The following SUSD1 variants were observed in gnomAD, a reference collection of about 807,000 sequenced individuals.
SUSD1 encodes sushi domain containing 1, also known as sushi domain-containing protein 1.
In SUSD1, 65 loss-of-function variants were observed where a neutral mutation model predicts 86.9. The observed-to-expected ratio is 0.75, with a 90% CI of 0.61 to 0.92. The LOEUF is 0.92. SUSD1 is among the 40% of genes least tolerant of loss of function. The pLI, the probability that SUSD1 is intolerant of heterozygous loss-of-function variation, is 0.00. For missense variants in SUSD1, 850 were observed against 929.7 expected (o/e 0.91, Z 1.11); for synonymous variants, 346 against 350.0 (o/e 0.99, Z 0.13).
intron 5 of SUSD1, among the ~76,000 whole-genome samples, chr9:112,137,633 G>A (rs933001010): frequency 4.6e-5 from 7 of 152,104 alleles, no homozygotes; most frequent in South Asian, 2.1e-4. Context: ...ATCAAAATGC[G>A]TGTAGAGCCT....
intron 8 of SUSD1, among the ~76,000 whole-genome samples, chr9:112,110,893 C>T (rs989314464): frequency 2.0e-5 from 3 of 152,176 alleles, no homozygotes; most frequent in African/African-American, 7.2e-5. Flanking sequence ...CCCCTGCTTC[C>T]ACTTCCCCAC....
At chr9:112,135,900 C>T (rs1289227897) in intron 5 of SUSD1, among the ~76,000 whole-genome samples, 1 of 152,192 alleles carries the variant, frequency 6.6e-6, no homozygotes, top group Non-Finnish European at 1.5e-5. Flanking sequence ...CAAAAGGAAA[C>T]TGGAGTTTAG....
intron 6 of SUSD1, among the ~76,000 whole-genome samples, chr9:112,120,560 G>T (rs937920865): frequency 6.6e-6 from 1 of 152,130 alleles, no homozygotes. Context: ...TCCTGATTGA[G>T]GGCATAAAGG....
chr9:112,144,579 G>C (rs1419424100), intron 3 of SUSD1, among the ~76,000 whole-genome samples: 1 of 152,154 alleles, frequency 6.6e-6, no homozygotes, highest in African/African-American at 2.4e-5. Context: ...TTTGAGACCA[G>C]CCTGGGAACG....
intron 8 of SUSD1, among the ~76,000 whole-genome samples, chr9:112,109,030 C>A (rs946940209): frequency 1.3e-5 from 2 of 152,112 alleles, no homozygotes; most frequent in Admixed American, 6.6e-5. Flanking sequence ...TAACCTATGA[C>A]CCCAGAGGAG....
At chr9:112,048,552 C>T (rs539709302) in intron 15 of SUSD1, among the ~76,000 whole-genome samples, 2 of 152,298 alleles carry the variant, frequency 1.3e-5, no homozygotes, top group Non-Finnish European at 2.9e-5. Context: ...TCATTCAGCC[C>T]AATTCAGTGC....
At chr9:112,089,811 C>CAAAAAAAAAAAAAAAAAAA (rs3983407) in intron 10 of SUSD1, among the ~76,000 whole-genome samples, 6 of 115,934 alleles carry the variant, frequency 5.2e-5, no homozygotes, top group Non-Finnish European at 9.3e-5. Context: ...GATTCCATCT[C>CAAAAAAAAAAAAAAAAAAA]AAAAAAAAAA....
rs1554756866 is a variant in SUSD1 at position 112,078,809 on chromosome 9, C to CTGTTTTTT, written c.1567-86_1567-85insAAAAAACA. ...AAACCTCCCCTTTTCCTTTTTCTTTCTCTTTTTTTTTTTTTTTTTTTGAGA... is the reference window on the plus strand; with the variant it reads ...AAACCTCCCCTTTTCCTTTTTCTTTCTGTTTTTTTCTTTTTTTTTTTTTTTTTTTGAGA... On this transcript the variant is annotated intron_variant, in intron 11 of 16. Transcript: ENST00000374270. The CTGTTTTTT allele has an allele frequency of 3.6e-4, 300 of 830,108 alleles. 1 individual carries two copies. The African/African-American group carries it at 6.5e-3, about 18-fold the overall frequency. 51.4% of individuals were successfully genotyped at this position (830,108 alleles called of 1,614,324 possible).
intron 5 of SUSD1, among the ~76,000 whole-genome samples, chr9:112,134,187 C>G (rs1832157619): frequency 6.6e-6 from 1 of 152,142 alleles, no homozygotes; most frequent in African/African-American, 2.4e-5. Flanking sequence ...ACAGAACTAC[C>G]ATTCAATCCA....
At chr9:112,043,961 C>G (rs1294245564) in intron 15 of SUSD1, among the ~76,000 whole-genome samples, 3 of 152,062 alleles carry the variant, frequency 2.0e-5, no homozygotes, top group Non-Finnish European at 2.9e-5. Flanking sequence ...CCACCACGCC[C>G]GGCTAGTTTT....
intron 3 of SUSD1, among the ~76,000 whole-genome samples, chr9:112,147,244 C>T (rs1589724745): frequency 1.3e-5 from 2 of 152,208 alleles, no homozygotes; most frequent in African/African-American, 2.4e-5. Flanking sequence ...TGGTGGCTCA[C>T]GTCTGTAATC....
At chr9:112,117,119 G>A (rs754884630) in intron 6 of SUSD1, among the ~76,000 whole-genome samples, 6 of 152,180 alleles carry the variant, frequency 3.9e-5, no homozygotes, top group Non-Finnish European at 8.8e-5. Context: ...CAGCCTGGGT[G>A]ATACAACAAG....
chr9:112,072,426 C>G (rs113276302), intron 12 of SUSD1, among the ~76,000 whole-genome samples: 4,099 of 152,056 alleles, frequency 0.027, 192 homozygotes, highest in African/African-American at 0.093. Flanking sequence ...CATGAGCCAC[C>G]GTGCCTGGCC....
chr9:112,090,251 C>G (rs189517172), intron 10 of SUSD1, among the ~76,000 whole-genome samples: 146 of 152,138 alleles, frequency 9.6e-4, no homozygotes, highest in African/African-American at 3.2e-3. Context: ...AATTTTAAAA[C>G]TTAGACGAAA....
At position 112,111,679 on chromosome 9, in the gene SUSD1, T is replaced by C; in HGVS notation, c.1146A>G (p.Pro382=). 10 of 1,614,026 alleles carry C rather than the reference T, an allele frequency of 6.2e-6. No individual in the cohort carries two copies. Among genetic ancestry groups the C allele is most frequent in the African/African-American group, 1.3e-5 (1 of 75,052 alleles). The part of the protein sequence containing the change: ...ISTAPPRRSM[P]AVIGFQTAEV... Reference sequence around the variant, plus strand: ...CAGCTGTCTGGAAACCGATGACGGCTGGCATCGAGCGCCTGGGAGGTGCTG... The same window carrying C: ...CAGCTGTCTGGAAACCGATGACGGCCGGCATCGAGCGCCTGGGAGGTGCTG... Residue 382 remains proline, a synonymous_variant, in exon 8 of 17, where the codon CCA becomes CCG. Coordinates refer to ENST00000374270, the MANE Select transcript of SUSD1 (RefSeq NM_022486.5).
At chr9:112,068,111 G>A (rs950677109) in intron 12 of SUSD1, among the ~76,000 whole-genome samples, 2 of 152,178 alleles carry the variant, frequency 1.3e-5, no homozygotes, top group African/African-American at 4.8e-5. Flanking sequence ...CTTTCTGGGA[G>A]CTTGGAGTGT....
At chr9:112,055,904 A>G (rs2096203021) in intron 14 of SUSD1, among the ~76,000 whole-genome samples, 1 of 152,244 alleles carries the variant, frequency 6.6e-6, no homozygotes, top group Admixed American at 6.5e-5. Context: ...TAAGCCAGTC[A>G]CAAAAAGAAA....
At chr9:112,120,903 C>T (rs527425352) in intron 6 of SUSD1, among the ~76,000 whole-genome samples, 6 of 152,276 alleles carry the variant, frequency 3.9e-5, no homozygotes, top group African/African-American at 1.4e-4. Context: ...CAAGCTATAC[C>T]CAGCTCTTAC....
At position 112,072,126 on chromosome 9, in the gene SUSD1, ATTTC is replaced by A. The variant is rs144852278; in HGVS notation, c.1753+6408_1753+6411del. ...TATTTATTTATTTTTATTCTTTTTTATTTCTTTCTTTCTCTTTTTTTTTTTTTTT... is the reference window on the plus strand; with the variant it reads ...TATTTATTTATTTTTATTCTTTTTTATTTCTTTCTCTTTTTTTTTTTTTTT... On this transcript the variant is annotated intron_variant, in intron 12 of 16. Coordinates refer to ENST00000374270, the MANE Select transcript of SUSD1 (RefSeq NM_022486.5). Among the ~76,000 whole-genome samples the A allele has an allele frequency of 6.9e-3, 873 of 127,190 alleles. 11 individuals are homozygous for A. The highest frequency in any genetic ancestry group is 0.024 in the African/African-American group (835 of 34,380). The allele number at this position is 127,190 out of a possible 152,430, so 83.4% of individuals were successfully genotyped here.
Sources: allele counts gnomAD v4.1 joint callset (sites outside exome capture counted in the v4.1 genomes callset), GRCh38; gene constraint gnomAD v4.1.1; transcripts MANE v1.5; gene names NCBI Gene and HGNC (gene_info 2026-07-23, HGNC 2026-07-21).